The following FSD1L variants were observed in gnomAD, a reference collection of about 807,000 sequenced individuals.
The protein encoded by FSD1L is FSD1-like protein.
A neutral mutation model predicts 71.6 loss-of-function variants in FSD1L; 45 were observed. That is an observed-to-expected ratio of 0.63 (90% CI 0.49 to 0.81). FSD1L has a LOEUF of 0.81. Ranked by LOEUF, FSD1L falls within the 30% of genes least tolerant of loss-of-function variation. FSD1L has a pLI of 0.00. For missense variants in FSD1L, 561 were observed against 618.1 expected (o/e 0.91, Z 0.98); for synonymous variants, 197 against 207.2 (o/e 0.95, Z 0.42).
At chr9:105,501,230 T>G (rs1207254100) in intron 7 of FSD1L, among the ~76,000 whole-genome samples, 1 of 152,114 alleles carries the variant, frequency 6.6e-6, no homozygotes, top group African/African-American at 2.4e-5. Context: ...ATGCGGGATT[T>G]TTTTTTTTGC....
In FSD1L at chr9:105,526,310, T is replaced by C. The variant is rs561841647; in HGVS notation, c.1026-8183T>C. On this transcript the variant is annotated intron_variant, in intron 10 of 13. Transcript: ENST00000481272. ...ACATTTGAAGATTTTGCAGCACAGG[T>C]TTTTTCTCCAGCTCCCTACCACCAT... 4.0e-5 allele frequency: 65 copies of C among 1,609,876 alleles called. 1 individual carries two copies. The African/African-American group carries it at 8.4e-4, about 21-fold the overall frequency.
intron 13 of FSD1L, among the ~76,000 whole-genome samples, chr9:105,541,458 T>G (rs1836610057): frequency 6.6e-6 from 1 of 152,140 alleles, no homozygotes; most frequent in South Asian, 2.1e-4. Flanking sequence ...TTAATTTGAA[T>G]CTATCTCATG....
chr9:105,458,382 C>T (rs567966034), intron 1 of FSD1L, among the ~76,000 whole-genome samples: 1 of 152,290 alleles, frequency 6.6e-6, no homozygotes, highest in South Asian at 2.1e-4. Flanking sequence ...CCTTTCTGCG[C>T]CTGCCTTTTG....
intron 10 of FSD1L, chr9:105,525,137 A>G: frequency 1.9e-6 from 3 of 1,556,868 alleles, no homozygotes; most frequent in Admixed American, 2.0e-5. Flanking sequence ...TACATCTTTC[A>G]TGCTTTCATT....
At chr9:105,449,285 A>G (rs1724012017) in intron 1 of FSD1L, among the ~76,000 whole-genome samples, 1 of 152,262 alleles carries the variant, frequency 6.6e-6, no homozygotes, top group Non-Finnish European at 1.5e-5. Flanking sequence ...TTTAACAAAT[A>G]TGCATATGAT....
rs191657998 is a variant in FSD1L, at chr9:105,498,908, G to A, written c.587-7491G>A. 1.9e-3 allele frequency among the ~76,000 whole-genome samples: 288 copies of A among 152,212 alleles called. 2 individuals carry two copies. Among genetic ancestry groups the A allele is most frequent in the Admixed American group, 6.9e-3 (106 of 15,294 alleles). On this transcript the variant is annotated intron_variant, in intron 7 of 13. Transcript: ENST00000481272. ...GCAAAGATTACAGGCATGAGCCACC[G>A]CGCCCATGCTAGAAGTGGGTTGTTT...
chr9:105,550,716 T>G lies in FSD1L; in HGVS notation c.*4233T>G, dbSNP rs1837228966. 1 of 152,112 alleles carries G rather than the reference T, an allele frequency of 6.6e-6. No homozygotes were observed. The highest frequency in any genetic ancestry group is 1.5e-5 in the Non-Finnish European group (1 of 67,948). 9.4% of individuals were successfully genotyped at this position (152,112 alleles called of 1,614,324 possible). ...AAAAGATATTGTTGGATATGCCACATCAGAGTTAGCATTGACTTATAAATA... is the reference window on the plus strand; with the variant it reads ...AAAAGATATTGTTGGATATGCCACAGCAGAGTTAGCATTGACTTATAAATA... On this transcript the variant is annotated 3_prime_UTR_variant, in exon 14 of 14. Transcript: ENST00000481272.
Position 105,533,416 on chromosome 9 carries a change from C to CTTTTTTTT in FSD1L, c.1026-1060_1026-1053dup, listed in dbSNP as rs754896606. ...GGATTTGGATAATTGCCATTTCCAT[C>CTTTTTTTT]TTTTTTTTTTTTTTTTTTTTTTTTG... is the stretch of plus-strand genomic sequence containing the variant. On this transcript the variant is annotated intron_variant, in intron 10 of 13. Coordinates refer to ENST00000481272, the MANE Select transcript of FSD1L (RefSeq NM_001145313.3). Among the ~76,000 whole-genome samples, 83 of 29,062 alleles carry CTTTTTTTT rather than the reference C, an allele frequency of 2.9e-3. 25 individuals carry two copies. The highest frequency in any genetic ancestry group is 4.9e-3 in the South Asian group (2 of 408). The allele number at this position is 29,062 out of a possible 152,430, so 19.1% of individuals were successfully genotyped here. A position where few individuals can be genotyped will look rare whatever the true frequency, so the allele number is the denominator to read the frequency against.
intron 10 of FSD1L, among the ~76,000 whole-genome samples, chr9:105,527,388 A>T (rs146771445): frequency 1.3e-5 from 2 of 152,216 alleles, no homozygotes; most frequent in African/African-American, 2.4e-5. Flanking sequence ...AGTACTATTT[A>T]AAAAAGAAAA....
intron 8 of FSD1L, among the ~76,000 whole-genome samples, chr9:105,507,895 T>C (rs1212793749): frequency 6.7e-6 from 1 of 149,950 alleles, no homozygotes; most frequent in African/African-American, 2.4e-5. Context: ...TCTTCTTTTT[T>C]TTTTTTTTTT....
chr9:105,506,614 A>G lies in FSD1L; in HGVS notation c.796+6A>G. ...TACTGAATATACACTATCAGGTAAC[A>G]TGACTGCATTTTAGGACTCTCATTC... On this transcript the variant is annotated splice_donor_region_variant and intron_variant, in intron 8 of 13. Coordinates refer to ENST00000481272, the MANE Select transcript of FSD1L (RefSeq NM_001145313.3). The G allele has an allele frequency of 6.6e-7, 1 of 1,510,416 alleles. No homozygotes were observed. Among genetic ancestry groups the G allele is most frequent in the Non-Finnish European group, 9.0e-7 (1 of 1,109,644 alleles). The allele number at this position is 1,510,416 out of a possible 1,614,324, so 93.6% of individuals were successfully genotyped here.
intron 10 of FSD1L, chr9:105,525,669 A>G: frequency 6.2e-7 from 1 of 1,609,936 alleles, no homozygotes; most frequent in Non-Finnish European, 8.5e-7. Context: ...GCCGAGAGAC[A>G]CACAAGATTG....
At position 105,490,642 on chromosome 9, in the gene FSD1L, T is replaced by A. The variant is rs535129646; in HGVS notation, c.586+6140T>A. On this transcript the variant is annotated intron_variant, in intron 7 of 13. Coordinates refer to ENST00000481272, the MANE Select transcript of FSD1L (RefSeq NM_001145313.3). The stretch of plus-strand genomic sequence containing the variant: ...TCTAGGGTTTTTATGGTTTTAGGTC[T>A]AACGTTTAAGTCTTTAATCCATCTT... Among the ~76,000 whole-genome samples the A allele has an allele frequency of 3.6e-3, 508 of 143,062 alleles. 5 individuals carry two copies. The highest frequency in any genetic ancestry group is 0.012 in the East Asian group (61 of 5,026). The allele number at this position is 143,062 out of a possible 152,430, so 93.9% of individuals were successfully genotyped here.
Position 105,508,731 on chromosome 9 carries a change from C to CT in FSD1L, c.895+19dup. The CT allele has an allele frequency of 7.1e-7, 1 of 1,399,220 alleles. No individual in the cohort carries two copies. Among genetic ancestry groups the CT allele is most frequent in the East Asian group, 2.5e-5 (1 of 39,974 alleles). The allele number at this position is 1,399,220 out of a possible 1,614,324, so 86.7% of individuals were successfully genotyped here. The stretch of plus-strand genomic sequence containing the variant: ...GAGACCAAAGGTGAGATCAGTAGCT[C>CT]TTTATACAGCATAAAACAAAGCTTA... On this transcript the variant is annotated intron_variant, in intron 9 of 13. Coordinates refer to ENST00000481272, the MANE Select transcript of FSD1L (RefSeq NM_001145313.3).
intron 9 of FSD1L, among the ~76,000 whole-genome samples, chr9:105,512,403 A>T (rs1834446934): frequency 6.6e-6 from 1 of 152,068 alleles, no homozygotes; most frequent in African/African-American, 2.4e-5. Flanking sequence ...AGGTTCTATA[A>T]TTTTTTACAC....
At chr9:105,464,665 A>G (rs1830937553) in intron 3 of FSD1L, among the ~76,000 whole-genome samples, 1 of 152,198 alleles carries the variant, frequency 6.6e-6, no homozygotes, top group Non-Finnish European at 1.5e-5. Flanking sequence ...TTTCTTTTAC[A>G]ATAAACAATA....
intron 7 of FSD1L, among the ~76,000 whole-genome samples, chr9:105,495,102 G>T (rs1290927907): frequency 6.6e-6 from 1 of 152,186 alleles, no homozygotes; most frequent in Non-Finnish European, 1.5e-5. Flanking sequence ...TGCCCCCAGA[G>T]GTGGAGCCTA....
intron 13 of FSD1L, among the ~76,000 whole-genome samples, chr9:105,542,643 A>T (rs748349946): frequency 6.6e-6 from 1 of 152,050 alleles, no homozygotes. Flanking sequence ...TCTTGTACAG[A>T]TGGAGTTTTG....
upstream of FSD1L, among the ~76,000 whole-genome samples, chr9:105,447,013 C>T (rs563085751): frequency 2.3e-4 from 35 of 152,146 alleles, no homozygotes; most frequent in African/African-American, 8.2e-4. Flanking sequence ...GGTTCTAACT[C>T]CCCACTAAGA....
Sources: allele counts gnomAD v4.1 joint callset (sites outside exome capture counted in the v4.1 genomes callset), GRCh38; gene constraint gnomAD v4.1.1; transcripts MANE v1.5; gene names NCBI Gene and HGNC (gene_info 2026-07-23, HGNC 2026-07-21).